DPY19L3: variants seen among roughly 807,000 people sequenced by gnomAD.
The protein encoded by DPY19L3 is protein C-mannosyl-transferase DPY19L3.
In DPY19L3, 51 loss-of-function variants were observed where a neutral mutation model predicts 92.3. That is an observed-to-expected ratio of 0.55 (90% CI 0.44 to 0.70). The LOEUF (loss-of-function observed/expected upper bound fraction) is 0.70. DPY19L3 is among the 30% of genes least tolerant of loss of function. The probability of loss-of-function intolerance (pLI) is 0.00; values close to 1 mark genes in which losing one functional copy is unlikely to be tolerated. For missense variants in DPY19L3, 706 were observed against 855.9 expected, an observed-to-expected ratio of 0.82 and a Z score of 2.18; for synonymous variants, 309 against 315.2, an observed-to-expected ratio of 0.98 and a Z score of 0.21.
chr19:32,457,471 C>T (rs1969901776), intron 10 of DPY19L3, among the ~76,000 whole-genome samples: 2 of 152,062 alleles, frequency 1.3e-5, no homozygotes, highest in Admixed American at 1.3e-4. Flanking sequence ...TTAGCTTCAT[C>T]TTTTCTCCCT....
rs192724545 is a variant in DPY19L3 at position 32,434,737 on chromosome 19, A to G, written c.329-1709A>G. Among the ~76,000 whole-genome samples the G allele has an allele frequency of 3.9e-5, 6 of 152,380 alleles. No homozygotes were observed. The East Asian group carries it at 1.2e-3, about 29-fold the overall frequency. On this transcript the variant is annotated intron_variant, in intron 4 of 18. Coordinates refer to ENST00000392250, the MANE Select transcript of DPY19L3 (RefSeq NM_001172774.2). ...AATGGCAGAAATTTATTTTCTCACA[A>G]TTCAGGAGGCTGGAAGTCTGAGGTT...
intron 15 of DPY19L3, among the ~76,000 whole-genome samples, chr19:32,465,235 G>A (rs1022945327): frequency 6.6e-6 from 1 of 152,202 alleles, no homozygotes; most frequent in Non-Finnish European, 1.5e-5. Flanking sequence ...CCTAAGGCTA[G>A]GCTTTTTAAA....
At chr19:32,419,963 G>C (rs553341255) in intron 3 of DPY19L3, among the ~76,000 whole-genome samples, 1 of 148,522 alleles carries the variant, frequency 6.7e-6, no homozygotes, top group African/African-American at 2.5e-5. Flanking sequence ...AGATTCACAC[G>C]GTTCTCCTGC....
At chr19:32,425,965 A>G (rs755409305) in intron 3 of DPY19L3, among the ~76,000 whole-genome samples, 1 of 152,224 alleles carries the variant, frequency 6.6e-6, no homozygotes, top group Non-Finnish European at 1.5e-5. Context: ...CCTGAGCTGT[A>G]AAAGTCCGAG....
At chr19:32,423,280 C>T (rs1335722978) in intron 3 of DPY19L3, among the ~76,000 whole-genome samples, 1 of 152,098 alleles carries the variant, frequency 6.6e-6, no homozygotes, top group East Asian at 1.9e-4. Context: ...GCTCTGTCGC[C>T]TAGGCTGGAA....
intron 8 of DPY19L3, 130 bp downstream of exon 8, chr19:32,440,040 C>T (rs1289931113): frequency 2.4e-6 from 3 of 1,232,576 alleles, no homozygotes; most frequent in East Asian, 5.1e-5. Context: ...TGTAAATTTG[C>T]TGTGGCCAAT....
At chr19:32,479,646 GC>G (rs1970614126) in intron 17 of DPY19L3, 1 of 416,380 alleles carries the variant, frequency 2.4e-6, no homozygotes, top group Non-Finnish European at 4.8e-6. Context: ...AGGAGGCAGT[GC>G]CTCTCTTCAT....
chr19:32,441,494 C>CTTTTTTTTTTTTT (rs11326098), intron 8 of DPY19L3, among the ~76,000 whole-genome samples: 3 of 130,212 alleles, frequency 2.3e-5, no homozygotes, highest in Non-Finnish European at 1.6e-5. Context: ...ACATGTGTCT[C>CTTTTTTTTTTTTT]TTTTTTTTTT....
At chr19:32,411,571 T>C in intron 3 of DPY19L3, 199 bp downstream of exon 3, 1 of 475,360 alleles carries the variant, frequency 2.1e-6, no homozygotes, top group South Asian at 5.5e-5. Context: ...TTTTCTTTAT[T>C]ATTTATTTAT....
chr19:32,479,371 A>G (rs2145640860), intron 17 of DPY19L3, among the ~76,000 whole-genome samples: 1 of 152,152 alleles, frequency 6.6e-6, no homozygotes, highest in East Asian at 1.9e-4. Flanking sequence ...GAGTGCACAG[A>G]ACGTCCTGGG....
intron 9 of DPY19L3, among the ~76,000 whole-genome samples, chr19:32,454,599 A>T (rs1568348295): frequency 6.6e-6 from 1 of 152,106 alleles, no homozygotes; most frequent in East Asian, 1.9e-4. Flanking sequence ...AAAGAAAAAG[A>T]TGTAACAGTT....
intron 2 of DPY19L3, among the ~76,000 whole-genome samples, chr19:32,410,357 T>C (rs566231805): frequency 1.3e-5 from 2 of 152,198 alleles, no homozygotes; most frequent in Non-Finnish European, 2.9e-5. Context: ...TATTTAAGCT[T>C]TCTTATATGT....
chr19:32,409,670 C>T (rs560949310), intron 2 of DPY19L3, among the ~76,000 whole-genome samples: 35 of 152,258 alleles, frequency 2.3e-4, no homozygotes, highest in African/African-American at 7.9e-4. Flanking sequence ...AGCTTCCAGT[C>T]GTGGCAGAAG....
chr19:32,450,884 G>T (rs1969678419), intron 8 of DPY19L3, among the ~76,000 whole-genome samples: 1 of 152,102 alleles, frequency 6.6e-6, no homozygotes, highest in Admixed American at 6.6e-5. Flanking sequence ...TAATAAAACT[G>T]CTAAGAAGGA....
intron 10 of DPY19L3, 136 bp from the exon 11 acceptor site, chr19:32,457,964 T>G: frequency 1.5e-6 from 1 of 663,258 alleles, no homozygotes; most frequent in Non-Finnish European, 2.6e-6. Context: ...TGAGAACTAC[T>G]GTGAACATTT....
intron 16 of DPY19L3, among the ~76,000 whole-genome samples, chr19:32,475,682 C>T (rs532970178): frequency 6.6e-6 from 1 of 152,370 alleles, no homozygotes; most frequent in East Asian, 1.9e-4. Flanking sequence ...AACTGAATTT[C>T]AGTAAAACCT....
At chr19:32,467,505 A>T (rs1213884299) in intron 15 of DPY19L3, 1 of 987,504 alleles carries the variant, frequency 1.0e-6, no homozygotes. Flanking sequence ...ATTTCCCATC[A>T]CTAGCAATTT....
chr19:32,476,013 G>T (rs750734866), intron 16 of DPY19L3, among the ~76,000 whole-genome samples: 1 of 152,212 alleles, frequency 6.6e-6, no homozygotes, highest in Admixed American at 6.5e-5. Context: ...TGGAATGCAA[G>T]TGAATGAGAG....
intron 8 of DPY19L3, among the ~76,000 whole-genome samples, chr19:32,450,999 G>A (rs1036543556): frequency 6.6e-6 from 1 of 152,186 alleles, no homozygotes; most frequent in Non-Finnish European, 1.5e-5. Flanking sequence ...CGCTCTTCTA[G>A]TGTGTATTCT....
Sources: gnomAD v4.1 joint callset for allele counts (sites outside exome capture counted in the v4.1 genomes callset) on GRCh38, gnomAD v4.1.1 for gene constraint, MANE v1.5 for transcripts, NCBI Gene and HGNC (gene_info 2026-07-23, HGNC 2026-07-21) for gene names.